The following ZNF638 variants were observed in gnomAD, a reference collection of about 807,000 sequenced individuals.
ZNF638 encodes zinc finger protein 638, also known as CTCL tumor antigen se33-1.
A neutral mutation model predicts 195.6 loss-of-function variants in ZNF638; 46 were observed. That is an observed-to-expected ratio of 0.24 (90% CI 0.19 to 0.30). ZNF638 has a LOEUF of 0.30. ZNF638 is among the 10% of genes least tolerant of loss of function. The pLI is 1.00. For synonymous variants in ZNF638, 845 were observed against 772.0 expected, an observed-to-expected ratio of 1.09 and a Z score of -1.57; for missense variants, 2,440 against 2,325.3, an observed-to-expected ratio of 1.05 and a Z score of -1.01.
At chr2:71,355,469 G>A (rs1428761309) in intron 2 of ZNF638, among the ~76,000 whole-genome samples, 4 of 152,012 alleles carry the variant, frequency 2.6e-5, no homozygotes, top group Non-Finnish European at 5.9e-5. Flanking sequence ...GAGCATCCAC[G>A]GGTATGATTT....
chr2:71,368,410 G>A lies in ZNF638; in HGVS notation c.2024G>A (p.Gly675Asp). ...CGGAAAGAACAGTCATTGCATTATGGTTCGGTTCTTCTTATAACTGAATTA... is the reference window on the plus strand; with the variant it reads ...CGGAAAGAACAGTCATTGCATTATGATTCGGTTCTTCTTATAACTGAATTA... Reference protein sequence around the residue: ...KLRKEQSLHYGSVLLITELPE... With the variant: ...KLRKEQSLHYDSVLLITELPE... The change falls in exon 7 of 28, where the codon GGT (glycine) becomes GAT (aspartate). Residue 675 changes from glycine (G) to aspartate (D), a missense_variant. By Grantham distance (94) the Gly-to-Asp change is moderately conservative (BLOSUM62 -1). Coordinates refer to ENST00000264447, the MANE Select transcript of ZNF638 (RefSeq NM_014497.5). The A allele has an allele frequency of 6.2e-7, 1 of 1,612,694 alleles. No homozygotes were observed. Among genetic ancestry groups the A allele is most frequent in the Non-Finnish European group, 8.5e-7 (1 of 1,179,556 alleles).
At chr2:71,390,849 CGTT>C (rs967292001) in intron 10 of ZNF638, among the ~76,000 whole-genome samples, 4 of 151,472 alleles carry the variant, frequency 2.6e-5, no homozygotes, top group East Asian at 4.3e-4. Context: ...CACCCCCTAA[CGTT>C]GTGATTTGGA....
At position 71,427,043 on chromosome 2, in the gene ZNF638, A is replaced by G. The variant is rs2152606187; in HGVS notation, c.5174A>G (p.Gln1725Arg). The G allele has an allele frequency of 6.2e-7, 1 of 1,613,678 alleles. No homozygotes were observed. Among genetic ancestry groups the G allele is most frequent in the African/African-American group, 1.3e-5 (1 of 75,018 alleles). Residue 1725 changes from glutamine (Q) to arginine (R), a missense_variant, in exon 24 of 28, where the codon CAG becomes CGG. Physicochemically the swap from Gln to Arg is conservative, Grantham distance 43. Transcript: ENST00000264447. Reference protein sequence around the residue: ...VRDSIGFISSQVPEDPSTLVT... With the variant: ...VRDSIGFISSRVPEDPSTLVT... ...GATTCCATTGGCTTCATTTCTTCTC[A>G]GGTGCCCGAAGACCCTTCTACTTTA...
Position 71,370,020 on chromosome 2 carries a change from G to A in ZNF638, c.2265+15G>A. The A allele has an allele frequency of 6.3e-7, 1 of 1,580,046 alleles. No homozygotes were observed. The highest frequency in any genetic ancestry group is 8.5e-7 in the Non-Finnish European group (1 of 1,170,628). Reference sequence around the variant, plus strand: ...AAAAAGCACAGGTAATCTGGATTTAGGTCTTAAATGTTTTATCACTGTTGT... The same window carrying A: ...AAAAAGCACAGGTAATCTGGATTTAAGTCTTAAATGTTTTATCACTGTTGT... On this transcript the variant is annotated intron_variant, in intron 8 of 27. Coordinates refer to ENST00000264447, the MANE Select transcript of ZNF638 (RefSeq NM_014497.5).
chr2:71,336,791 G>A (rs1268729283), intron 1 of ZNF638, among the ~76,000 whole-genome samples: 3 of 152,222 alleles, frequency 2.0e-5, no homozygotes, highest in Non-Finnish European at 4.4e-5. Context: ...TTGTTAGCAA[G>A]CAGCAGGACC....
intron 21 of ZNF638, among the ~76,000 whole-genome samples, chr2:71,419,636 C>T (rs72840990): frequency 0.1 from 15,242 of 152,120 alleles, 852 homozygotes; most frequent in South Asian, 0.13. Context: ...CATTCACATA[C>T]CTAAGAAATA....
At chr2:71,396,692 C>T in intron 11 of ZNF638, among the ~76,000 whole-genome samples, 1 of 152,174 alleles carries the variant, frequency 6.6e-6, no homozygotes, top group East Asian at 1.9e-4. Context: ...CGCCTATAAT[C>T]CCATCACTTT....
intron 2 of ZNF638, among the ~76,000 whole-genome samples, chr2:71,355,125 C>T (rs1981774): frequency 0.057 from 8,665 of 152,086 alleles, 969 homozygotes; most frequent in East Asian, 0.56. Context: ...CCCGCCACAA[C>T]GCCTGGCTAA....
chr2:71,408,315 G>T, intron 20 of ZNF638, 68 bp downstream of exon 20: 2 of 1,520,806 alleles, frequency 1.3e-6, no homozygotes, highest in Non-Finnish European at 8.8e-7. Flanking sequence ...TCATTCTCAG[G>T]TAGTAGTCAA....
At chr2:71,431,958 C>A (rs1223869067) in intron 26 of ZNF638, among the ~76,000 whole-genome samples, 1 of 152,188 alleles carries the variant, frequency 6.6e-6, no homozygotes, top group African/African-American at 2.4e-5. Context: ...GATGTATCTC[C>A]TCTTTTATTC....
At chr2:71,335,798 T>C (rs2078656103) in intron 1 of ZNF638, among the ~76,000 whole-genome samples, 1 of 152,198 alleles carries the variant, frequency 6.6e-6, no homozygotes, top group South Asian at 2.1e-4. Context: ...GTAATTAATT[T>C]TAATGTCAGA....
intron 1 of ZNF638, among the ~76,000 whole-genome samples, chr2:71,345,537 C>A (rs902950989): frequency 2.6e-4 from 39 of 152,188 alleles, no homozygotes; most frequent in African/African-American, 8.2e-4. Context: ...TTGGAAAAAA[C>A]CAACATGCTT....
intron 1 of ZNF638, among the ~76,000 whole-genome samples, chr2:71,334,210 A>G (rs550468861): frequency 3.9e-4 from 59 of 152,304 alleles, no homozygotes; most frequent in African/African-American, 1.4e-3. Flanking sequence ...CAGAGCCTGG[A>G]CTCTAAATCA....
Position 71,385,456 on chromosome 2 carries a change from A to G in ZNF638, c.2377+4891A>G, listed in dbSNP as rs540906746. Reference sequence around the variant, plus strand: ...TAAAATTTCATGTATATCACATTGAAATGAAATTACAGAGAGAGAACAGAT... The same window carrying G: ...TAAAATTTCATGTATATCACATTGAGATGAAATTACAGAGAGAGAACAGAT... On this transcript the variant is annotated intron_variant, in intron 10 of 27. Transcript: ENST00000264447. 4.2e-3 allele frequency among the ~76,000 whole-genome samples: 632 copies of G among 151,086 alleles called. 3 individuals are homozygous for G. The highest frequency in any genetic ancestry group is 0.015 in the African/African-American group (605 of 41,530).
chr2:71,401,704 A>G (rs558187015), intron 15 of ZNF638, among the ~76,000 whole-genome samples: 1 of 152,120 alleles, frequency 6.6e-6, no homozygotes, highest in Non-Finnish European at 1.5e-5. Flanking sequence ...GTGGGTGAAA[A>G]AGAGTCCAGC....
intron 20 of ZNF638, among the ~76,000 whole-genome samples, chr2:71,411,444 T>A (rs1385830406): frequency 1.7e-5 from 2 of 119,676 alleles, no homozygotes; most frequent in African/African-American, 2.9e-5. Flanking sequence ...TTTTTTATTT[T>A]TTTTATTTAT....
chr2:71,400,091 A>G, intron 13 of ZNF638, 21 bp from the exon 14 acceptor site: 2 of 1,582,680 alleles, frequency 1.3e-6, no homozygotes, highest in Non-Finnish European at 1.7e-6. Context: ...CTAGACTATT[A>G]AAGCAGACTA....
At chr2:71,373,869 C>G (rs958315500) in intron 8 of ZNF638, 2 of 152,072 alleles carry the variant, frequency 1.3e-5, no homozygotes, top group South Asian at 4.1e-4. Flanking sequence ...ATCACCCAGG[C>G]TGGAATGCGG....
intron 10 of ZNF638, among the ~76,000 whole-genome samples, chr2:71,392,622 T>G (rs2079805756): frequency 6.6e-6 from 1 of 152,166 alleles, no homozygotes. Flanking sequence ...CACTGGCTTA[T>G]GGCAGTGATC....
Sources: gnomAD v4.1 joint callset for allele counts (sites outside exome capture counted in the v4.1 genomes callset) on GRCh38, gnomAD v4.1.1 for gene constraint, MANE v1.5 for transcripts, NCBI Gene and HGNC (gene_info 2026-07-23, HGNC 2026-07-21) for gene names.